Variants in FAM135B observed in about 807,000 individuals in gnomAD.
FAM135B encodes the protein family with sequence similarity 135 member B.
FAM135B carries 43 observed loss-of-function variants against 127.7 expected under a neutral mutation model. That is an observed-to-expected ratio of 0.34 (90% CI 0.26 to 0.43). The LOEUF (loss-of-function observed/expected upper bound fraction) is 0.43. FAM135B is among the 20% of genes least tolerant of loss of function. FAM135B has a pLI of 1.00. For missense variants in FAM135B, 1,558 were observed against 1,725.6 expected, an observed-to-expected ratio of 0.90 and a Z score of 1.72; for synonymous variants, 670 against 665.1, an observed-to-expected ratio of 1.01 and a Z score of -0.11.
At chr8:138,419,488 C>T (rs897018570) in intron 1 of FAM135B, among the ~76,000 whole-genome samples, 4 of 152,092 alleles carry the variant, frequency 2.6e-5, no homozygotes, top group East Asian at 3.9e-4. Flanking sequence ...AACCCAAACT[C>T]GACACTTTAC....
rs1820764248 is a variant in FAM135B, at chr8:138,241,441, CT to C, written c.669+1500del. Among the ~76,000 whole-genome samples the C allele has an allele frequency of 6.6e-6, 1 of 152,160 alleles. No homozygotes were observed. The highest frequency in any genetic ancestry group is 1.5e-5 in the Non-Finnish European group (1 of 68,022). ...TCCCCTCAGCAGGTTCTTGACAACT[CT>C]TTTCTTTGCTTCTCAGGACCATAAA... On this transcript the variant is annotated intron_variant, in intron 7 of 19. Coordinates refer to ENST00000395297, the MANE Select transcript of FAM135B (RefSeq NM_015912.4). The surrounding 1 kb of genome is among the most constrained non-coding windows in gnomAD (Gnocchi z 4.8).
intron 1 of FAM135B, among the ~76,000 whole-genome samples, chr8:138,486,688 C>T (rs2131688994): frequency 6.6e-6 from 1 of 152,314 alleles, no homozygotes; most frequent in South Asian, 2.1e-4. Context: ...GACTAGATAT[C>T]CATGGCTGTC....
intron 2 of FAM135B, among the ~76,000 whole-genome samples, chr8:138,316,810 C>T (rs1467486727): frequency 6.6e-6 from 1 of 151,952 alleles, no homozygotes; most frequent in Non-Finnish European, 1.5e-5. Flanking sequence ...GAAACCCCGT[C>T]TCTACTAAAA....
intron 9 of FAM135B, among the ~76,000 whole-genome samples, chr8:138,193,094 A>T (rs1387464250): frequency 1.3e-5 from 2 of 152,182 alleles, no homozygotes; most frequent in African/African-American, 4.8e-5. Context: ...CACGTGACGT[A>T]TAAGGAGAAA....
chr8:138,300,209 A>C (rs550549363), intron 3 of FAM135B, among the ~76,000 whole-genome samples: 1 of 151,678 alleles, frequency 6.6e-6, no homozygotes, highest in African/African-American at 2.4e-5. Flanking sequence ...TTCTCATTTC[A>C]CATTTCAGAG....
chr8:138,282,479 A>G (rs1055147386), intron 3 of FAM135B, among the ~76,000 whole-genome samples: 1 of 152,226 alleles, frequency 6.6e-6, no homozygotes, highest in African/African-American at 2.4e-5. Context: ...TTAAAACTTA[A>G]CAATGAGAAA....
At position 138,251,875 on chromosome 8, in the gene FAM135B, G is replaced by A. The variant is rs376432031; in HGVS notation, c.369-861C>T. Among the ~76,000 whole-genome samples, 21 of 152,296 alleles carry A rather than the reference G, an allele frequency of 1.4e-4. No individual in the cohort carries two copies. The East Asian group carries it at 3.1e-3, about 22-fold the overall frequency. ...GAAACCTGGGAGGAGCATCTTTCAT[G>A]AGAAGAGCAGAGAGGAAATGCTTGT... On this transcript the variant is annotated intron_variant, in intron 5 of 19. Transcript: ENST00000395297.
chr8:138,450,803 G>A (rs192023320), intron 1 of FAM135B: 6 of 152,202 alleles, frequency 3.9e-5, no homozygotes, highest in South Asian at 2.1e-4. Flanking sequence ...TCAATCAGTC[G>A]TCTTCAATCT....
At chr8:138,136,846 G>C (rs1341057602) in intron 19 of FAM135B, among the ~76,000 whole-genome samples, 2 of 152,184 alleles carry the variant, frequency 1.3e-5, no homozygotes, top group African/African-American at 4.8e-5. Context: ...TAGACAATGT[G>C]CCCCTTGAGG....
chr8:138,461,654 A>G (rs1837124742), intron 1 of FAM135B, among the ~76,000 whole-genome samples: 2 of 152,180 alleles, frequency 1.3e-5, no homozygotes, highest in Admixed American at 6.5e-5. Context: ...ACAGAACACT[A>G]TGAAATGAAT....
chr8:138,492,428 C>A (rs923911964), intron 1 of FAM135B, among the ~76,000 whole-genome samples: 1 of 152,116 alleles, frequency 6.6e-6, no homozygotes, highest in African/African-American at 2.4e-5. Flanking sequence ...AGCATCTCTG[C>A]AGAGCCTCCT....
At chr8:138,472,610 CAGA>C (rs3084266) in intron 1 of FAM135B, among the ~76,000 whole-genome samples, 64,533 of 151,668 alleles carry the variant, frequency 0.43, 15,646 homozygotes, top group East Asian at 0.76. Flanking sequence ...AGAGAAAGAG[CAGA>C]AGGAGAAAAA....
At chr8:138,313,385 G>A (rs1826839609) in intron 2 of FAM135B, among the ~76,000 whole-genome samples, 1 of 152,158 alleles carries the variant, frequency 6.6e-6, no homozygotes, top group Non-Finnish European at 1.5e-5. Flanking sequence ...ACCTGCCTTG[G>A]CCTCCCAAAG....
chr8:138,186,599 A>G (rs1363407913), intron 9 of FAM135B, among the ~76,000 whole-genome samples: 1 of 152,078 alleles, frequency 6.6e-6, no homozygotes. Flanking sequence ...GAGTAGGCGG[A>G]AGCACACCCC....
chr8:138,283,019 G>A (rs1372591993), intron 3 of FAM135B, among the ~76,000 whole-genome samples: 1 of 152,090 alleles, frequency 6.6e-6, no homozygotes, highest in Non-Finnish European at 1.5e-5. Context: ...TCCCGCCTCA[G>A]TCTCCTGAGT....
chr8:138,497,374 G>T (rs1238265330), upstream of FAM135B, among the ~76,000 whole-genome samples: 2 of 151,064 alleles, frequency 1.3e-5, no homozygotes, highest in South Asian at 2.1e-4. Context: ...CGGCCGCCCG[G>T]GTGCCCAGGG....
At chr8:138,231,739 T>G (rs1300100139) in intron 7 of FAM135B, among the ~76,000 whole-genome samples, 1 of 152,178 alleles carries the variant, frequency 6.6e-6, no homozygotes, top group Non-Finnish European at 1.5e-5. Context: ...AGCTCTAGTT[T>G]CTTCAACTAT....
intron 9 of FAM135B, among the ~76,000 whole-genome samples, chr8:138,191,768 T>C (rs1168621372): frequency 2.6e-5 from 4 of 152,176 alleles, no homozygotes; most frequent in African/African-American, 9.7e-5. Flanking sequence ...TTAACCATAT[T>C]CCCTGCCAAA....
intron 1 of FAM135B, among the ~76,000 whole-genome samples, chr8:138,477,700 A>G (rs1429553896): frequency 1.3e-5 from 2 of 152,328 alleles, no homozygotes; most frequent in East Asian, 3.9e-4. Context: ...ACTTCCTCAG[A>G]TGCCCTTTTG....
Sources: allele counts gnomAD v4.1 joint callset (sites outside exome capture counted in the v4.1 genomes callset), GRCh38; gene constraint gnomAD v4.1.1; non-coding constraint Gnocchi (gnomAD v3.1); transcripts MANE v1.5; gene names NCBI Gene and HGNC (gene_info 2026-07-23, HGNC 2026-07-21).